SLC8A1: variants seen among roughly 807,000 people sequenced by gnomAD.
The protein encoded by SLC8A1 is solute carrier family 8 member A1.
A neutral mutation model predicts 68.3 loss-of-function variants in SLC8A1; 18 were observed. The observed-to-expected ratio is 0.26, with a 90% CI of 0.18 to 0.39. The LOEUF is 0.39. Ranked by LOEUF, SLC8A1 falls within the 10% of genes least tolerant of loss-of-function variation. The probability of loss-of-function intolerance (pLI) is 1.00; values close to 1 mark genes in which losing one functional copy is unlikely to be tolerated. For synonymous variants in SLC8A1, 475 were observed against 415.5 expected (o/e 1.14, Z -1.74); for missense variants, 985 against 1,156.7 (o/e 0.85, Z 2.15).
At chr2:40,501,633 G>A (rs1032334345) in intron 1 of SLC8A1, among the ~76,000 whole-genome samples, 3 of 152,152 alleles carry the variant, frequency 2.0e-5, no homozygotes, top group African/African-American at 4.8e-5. Flanking sequence ...TCTCCTGGTC[G>A]GATAGGGAAA....
At chr2:40,277,554 A>T (rs2066886552) in intron 2 of SLC8A1, among the ~76,000 whole-genome samples, 1 of 151,940 alleles carries the variant, frequency 6.6e-6, no homozygotes, top group African/African-American at 2.4e-5. Context: ...AAAAAAACCA[A>T]AACAGATAAT....
exon 2 of SLC8A1, chr2:40,428,610 C>A (rs1697501929): frequency 6.2e-7 from 1 of 1,613,840 alleles, no homozygotes; most frequent in Non-Finnish European, 8.5e-7. Flanking sequence ...ATACTTTCAC[C>A]TCCATGATGC....
At chr2:40,240,899 T>G (rs1374454048) in intron 2 of SLC8A1, among the ~76,000 whole-genome samples, 1 of 152,222 alleles carries the variant, frequency 6.6e-6, no homozygotes, top group Non-Finnish European at 1.5e-5. Flanking sequence ...GACCCACATG[T>G]GTATTTGTCA....
chr2:40,359,967 GGCTGT>G (rs1177717698), intron 2 of SLC8A1, among the ~76,000 whole-genome samples: 1 of 151,508 alleles, frequency 6.6e-6, no homozygotes, highest in Non-Finnish European at 1.5e-5. Context: ...AATGAGTAAC[GGCTGT>G]GCAAGAGTCT....
intron 2 of SLC8A1, among the ~76,000 whole-genome samples, chr2:40,284,883 C>T (rs994419): frequency 0.21 from 31,238 of 151,914 alleles, 3,606 homozygotes; most frequent in East Asian, 0.38. Context: ...CTGATTTCTG[C>T]ACTCCCAGGG....
chr2:40,236,369 T>TC (rs2060372061), intron 2 of SLC8A1, among the ~76,000 whole-genome samples: 1 of 152,130 alleles, frequency 6.6e-6, no homozygotes, highest in Admixed American at 6.5e-5. Context: ...CTTCTTTGTC[T>TC]CTTTTGATCT....
At chr2:40,349,238 A>C (rs965255080) in intron 2 of SLC8A1, among the ~76,000 whole-genome samples, 1 of 152,168 alleles carries the variant, frequency 6.6e-6, no homozygotes, top group Non-Finnish European at 1.5e-5. Context: ...AAAAAACCGA[A>C]GACATGTCTT....
intron 2 of SLC8A1, among the ~76,000 whole-genome samples, chr2:40,329,167 C>T (rs188112081): frequency 8.7e-4 from 133 of 152,092 alleles, no homozygotes; most frequent in African/African-American, 3.1e-3. Flanking sequence ...TTTATTCCTG[C>T]AGTTTCCCTT....
At chr2:40,227,652 T>G (rs548452588) in intron 2 of SLC8A1, among the ~76,000 whole-genome samples, 1 of 152,078 alleles carries the variant, frequency 6.6e-6, no homozygotes, top group East Asian at 1.9e-4. Flanking sequence ...CAAACCCCCA[T>G]GACACAAGTT....
At chr2:40,335,123 G>C (rs1028983687) in intron 2 of SLC8A1, among the ~76,000 whole-genome samples, 2 of 152,142 alleles carry the variant, frequency 1.3e-5, no homozygotes, top group East Asian at 1.9e-4. Context: ...AATAGATATA[G>C]GGAAATAGTT....
Position 40,389,310 on chromosome 2 carries a change from A to G in SLC8A1, c.1808+39163T>C, listed in dbSNP as rs557750926. On this transcript the variant is annotated intron_variant, in intron 2 of 7. Transcript: ENST00000406785. ...TCCCCAGTCTCACGGTAAGTGTCCT[A>G]CATATTTAGTAGAGGGTGATATGAA... 7.8e-4 allele frequency among the ~76,000 whole-genome samples: 118 copies of G among 152,048 alleles called. 2 individuals are homozygous for G. The South Asian group carries it at 0.012, about 16-fold the overall frequency.
chr2:40,178,368 C>A lies in SLC8A1; in HGVS notation c.1809-513G>T, dbSNP rs769651775. On this transcript the variant is annotated intron_variant, in intron 2 of 7. Coordinates refer to ENST00000406785, the Ensembl canonical transcript of SLC8A1. Reference sequence around the variant, plus strand: ...GCCAGCAGAAGCTGTTGGGCTCAGCCCTGGAGCAGCTCCCCCACCTTTCTT... The same window carrying A: ...GCCAGCAGAAGCTGTTGGGCTCAGCACTGGAGCAGCTCCCCCACCTTTCTT... 6.2e-7 allele frequency: 1 copy of A among 1,602,632 alleles called. No homozygotes were observed. The highest frequency in any genetic ancestry group is 8.5e-7 in the Non-Finnish European group (1 of 1,170,198).
intron 2 of SLC8A1, among the ~76,000 whole-genome samples, chr2:40,300,130 TGAA>T (rs1348066539): frequency 1.3e-5 from 2 of 152,184 alleles, no homozygotes; most frequent in Non-Finnish European, 2.9e-5. Flanking sequence ...TGAGGGCCCA[TGAA>T]GATCTATGCT....
intron 1 of SLC8A1, among the ~76,000 whole-genome samples, chr2:40,492,246 G>A (rs1372459190): frequency 1.3e-5 from 2 of 152,106 alleles, no homozygotes; most frequent in African/African-American, 2.4e-5. Flanking sequence ...AATGGGGAAA[G>A]GATTCCCTAT....
intron 2 of SLC8A1, among the ~76,000 whole-genome samples, chr2:40,233,130 G>C (rs1384814270): frequency 2.0e-5 from 3 of 152,038 alleles, no homozygotes; most frequent in African/African-American, 7.3e-5. Context: ...GGGATGGCTG[G>C]GTCAAATGGT....
At chr2:40,367,816 A>G (rs1034015465) in intron 2 of SLC8A1, among the ~76,000 whole-genome samples, 3 of 152,088 alleles carry the variant, frequency 2.0e-5, no homozygotes, top group African/African-American at 7.2e-5. Flanking sequence ...AGCTTTGTTC[A>G]CAGCCACGTA....
At chr2:40,287,039 C>T (rs2068433675) in intron 2 of SLC8A1, among the ~76,000 whole-genome samples, 1 of 152,158 alleles carries the variant, frequency 6.6e-6, no homozygotes, top group Admixed American at 6.6e-5. Context: ...ACAGGAGTAA[C>T]AGGTCACCTA....
intron 6 of SLC8A1, 135 bp downstream of exon 9, chr2:40,160,630 C>A (rs1256456631): frequency 1.4e-6 from 1 of 725,926 alleles, no homozygotes; most frequent in African/African-American, 1.8e-5. Context: ...CATACATTAA[C>A]AAATAAACTT....
intron 2 of SLC8A1, among the ~76,000 whole-genome samples, chr2:40,363,583 G>A (rs76502887): frequency 0.03 from 4,626 of 152,094 alleles, 63 homozygotes; most frequent in Non-Finnish European, 0.036. Flanking sequence ...TCAAAAAACC[G>A]TGCCTTACCA....
Sources: gnomAD v4.1 joint callset for allele counts (sites outside exome capture counted in the v4.1 genomes callset) on GRCh38, gnomAD v4.1.1 for gene constraint, MANE v1.5 for transcripts, NCBI Gene and HGNC (gene_info 2026-07-23, HGNC 2026-07-21) for gene names.